Variants in EFNA5 observed in about 807,000 individuals in gnomAD.
EFNA5 encodes the protein ephrin-A5.
EFNA5 carries 5 observed loss-of-function variants against 22.9 expected under a neutral mutation model. The ratio of observed to expected loss-of-function variants is 0.22; its 90% confidence interval spans 0.11 to 0.46. The LOEUF (loss-of-function observed/expected upper bound fraction) is 0.46. Ranked by LOEUF, EFNA5 falls within the 20% of genes least tolerant of loss-of-function variation. The pLI, the probability that EFNA5 is intolerant of heterozygous loss-of-function variation, is 0.99. For synonymous variants in EFNA5, 113 were observed against 112.2 expected, an observed-to-expected ratio of 1.01 and a Z score of -0.04; for missense variants, 237 against 293.3, an observed-to-expected ratio of 0.81 and a Z score of 1.40.
intron 1 of EFNA5, among the ~76,000 whole-genome samples, chr5:107,665,203 C>A (rs1011020291): frequency 6.6e-6 from 1 of 152,084 alleles, no homozygotes; most frequent in Admixed American, 6.6e-5. Context: ...TTTTCTTGGC[C>A]CAGCGTGAAG....
chr5:107,670,388 G>A, intron 1 of EFNA5, 101 bp downstream of exon 1: 1 of 1,392,198 alleles, frequency 7.2e-7, no homozygotes, highest in Middle Eastern at 2.6e-4. Flanking sequence ...CTCCGAGGGT[G>A]CGCGCCGCCA....
intron 1 of EFNA5, among the ~76,000 whole-genome samples, chr5:107,578,173 A>G (rs1409941040): frequency 6.6e-6 from 1 of 152,180 alleles, no homozygotes; most frequent in East Asian, 1.9e-4. Flanking sequence ...AATTTATTAA[A>G]TGCTTAGGTG....
chr5:107,658,257 G>A (rs770829197), intron 1 of EFNA5, among the ~76,000 whole-genome samples: 2 of 152,146 alleles, frequency 1.3e-5, no homozygotes, highest in Non-Finnish European at 2.9e-5. Context: ...CTGTTTCTGC[G>A]GTGTAATTCT....
intron 1 of EFNA5, among the ~76,000 whole-genome samples, chr5:107,663,029 C>T (rs1750996056): frequency 6.6e-6 from 1 of 151,976 alleles, no homozygotes; most frequent in Non-Finnish European, 1.5e-5. Flanking sequence ...GTTAAAACAT[C>T]CTTTTCTGTC....
chr5:107,585,908 T>C (rs2112498092), intron 1 of EFNA5, among the ~76,000 whole-genome samples: 1 of 152,310 alleles, frequency 6.6e-6, no homozygotes, highest in African/African-American at 2.4e-5. Flanking sequence ...GACAGTTTAG[T>C]TCACTGGTAT....
At chr5:107,620,340 C>T (rs1750008481) in intron 1 of EFNA5, among the ~76,000 whole-genome samples, 1 of 152,192 alleles carries the variant, frequency 6.6e-6, no homozygotes, top group African/African-American at 2.4e-5. Context: ...TTACCAAATA[C>T]TCTAACTTAC....
At chr5:107,540,965 G>T (rs1339667531) in intron 1 of EFNA5, among the ~76,000 whole-genome samples, 1 of 152,052 alleles carries the variant, frequency 6.6e-6, no homozygotes, top group African/African-American at 2.4e-5. Context: ...AAATTAGCCG[G>T]GCATGGTGGC....
intron 4 of EFNA5, 128 bp from the exon 5 acceptor site, chr5:107,381,504 A>G: frequency 9.3e-7 from 1 of 1,072,606 alleles, no homozygotes; most frequent in Non-Finnish European, 1.3e-6. Flanking sequence ...GCCACCATTG[A>G]CTTTCATGTC....
chr5:107,482,826 GTC>G (rs1161742136), intron 1 of EFNA5, among the ~76,000 whole-genome samples: 35 of 65,034 alleles, frequency 5.4e-4, no homozygotes, highest in Admixed American at 1.3e-3. Flanking sequence ...CTCTCTCTCT[GTC>G]TCTGTCTCTC....
chr5:107,597,522 A>G (rs1655688605), intron 1 of EFNA5, among the ~76,000 whole-genome samples: 1 of 152,150 alleles, frequency 6.6e-6, no homozygotes, highest in South Asian at 2.1e-4. Context: ...ACATGGCCAT[A>G]TTGTATCACA....
At chr5:107,641,938 G>A (rs962784051) in intron 1 of EFNA5, among the ~76,000 whole-genome samples, 5 of 152,038 alleles carry the variant, frequency 3.3e-5, no homozygotes, top group Non-Finnish European at 5.9e-5. Context: ...CCAATGGCTA[G>A]CCTAAAACTG....
chr5:107,632,398 T>G (rs936414514), intron 1 of EFNA5, among the ~76,000 whole-genome samples: 1 of 152,200 alleles, frequency 6.6e-6, no homozygotes, highest in African/African-American at 2.4e-5. Flanking sequence ...CAACAAGGAA[T>G]AGTGTGGATA....
intron 1 of EFNA5, among the ~76,000 whole-genome samples, chr5:107,438,807 A>G (rs1368023527): frequency 6.6e-6 from 1 of 152,118 alleles, no homozygotes; most frequent in Non-Finnish European, 1.5e-5. Context: ...TCCCTGTACT[A>G]ACTGCTCCAG....
intron 2 of EFNA5, among the ~76,000 whole-genome samples, chr5:107,393,973 CCA>C (rs751316848): frequency 3.9e-5 from 6 of 152,126 alleles, no homozygotes; most frequent in Non-Finnish European, 7.4e-5. Context: ...GTTACCAGAT[CCA>C]CAGAAAACTT....
chr5:107,513,324 C>A (rs1747412628), intron 1 of EFNA5, among the ~76,000 whole-genome samples: 2 of 152,098 alleles, frequency 1.3e-5, no homozygotes, highest in African/African-American at 4.8e-5. Flanking sequence ...GAAACACTCG[C>A]TTGGGAGCTC....
chr5:107,476,872 C>T (rs929657358), intron 1 of EFNA5, among the ~76,000 whole-genome samples: 1 of 151,944 alleles, frequency 6.6e-6, no homozygotes, highest in Non-Finnish European at 1.5e-5. Context: ...GTTCACAAAT[C>T]AGAATCAGAC....
rs879635154 is a variant in EFNA5, at chr5:107,495,233, C to T, written c.126-67724G>A. On this transcript the variant is annotated intron_variant, in intron 1 of 4. Transcript: ENST00000333274. ...CTATAACACTCACCATGAAGATCTG[C>T]GGCTCCACTCCTGAAGTCAGCGGGA... 3.9e-5 allele frequency among the ~76,000 whole-genome samples: 6 copies of T among 152,164 alleles called. No homozygotes were observed. The East Asian group carries it at 5.8e-4, about 15-fold the overall frequency.
intron 1 of EFNA5, among the ~76,000 whole-genome samples, chr5:107,668,461 C>A (rs909892204): frequency 6.6e-6 from 1 of 152,132 alleles, no homozygotes; most frequent in Admixed American, 6.5e-5. Context: ...CTCAAACTAA[C>A]TCAGACTAGC....
intron 1 of EFNA5, among the ~76,000 whole-genome samples, chr5:107,478,976 T>A (rs901461570): frequency 6.6e-6 from 1 of 152,194 alleles, no homozygotes; most frequent in African/African-American, 2.4e-5. Flanking sequence ...CAAAGACATG[T>A]TAACCATTCA....
Sources: gnomAD v4.1 joint callset for allele counts (sites outside exome capture counted in the v4.1 genomes callset) on GRCh38, gnomAD v4.1.1 for gene constraint, MANE v1.5 for transcripts, NCBI Gene and HGNC (gene_info 2026-07-23, HGNC 2026-07-21) for gene names.